The following TTC39C variants were observed in gnomAD, a reference collection of about 807,000 sequenced individuals.
The protein encoded by TTC39C is tetratricopeptide repeat domain 39C, also known as tetratricopeptide repeat protein 39C.
A neutral mutation model predicts 76.3 loss-of-function variants in TTC39C; 33 were observed. The ratio of observed to expected loss-of-function variants is 0.43; its 90% CI spans 0.33 to 0.58. TTC39C has a LOEUF of 0.58. TTC39C is among the 20% of genes least tolerant of loss of function. The pLI, the probability that TTC39C is intolerant of heterozygous loss-of-function variation, is 0.04. For missense variants in TTC39C, 595 were observed against 701.4 expected (o/e 0.85, Z 1.71); for synonymous variants, 254 against 260.6 (o/e 0.97, Z 0.24).
chr18:24,064,188 G>A lies in TTC39C; in HGVS notation c.216G>A (p.Leu72=). 2 of 1,613,164 alleles carry A rather than the reference G, an allele frequency of 1.2e-6. No homozygotes were observed. Among genetic ancestry groups the A allele is most frequent in the Non-Finnish European group, 1.7e-6 (2 of 1,179,756 alleles). The part of the protein sequence containing the change: ...MSFGASFVSF[L]NAMMTFEEEK... The stretch of plus-strand genomic sequence containing the variant: ...TTGGAGCCAGCTTTGTCAGTTTTTT[G>A]GTAAGTTGATATCTTAAGACCTATT... Residue 72 remains leucine, a splice_region_variant and synonymous_variant, in exon 2 of 14, where the codon TTG becomes TTA. Coordinates refer to ENST00000317571, the MANE Select transcript of TTC39C (RefSeq NM_001135993.2).
intron 1 of TTC39C, among the ~76,000 whole-genome samples, chr18:24,038,421 C>G (rs74405168): frequency 6.6e-6 from 1 of 152,030 alleles, no homozygotes; most frequent in Non-Finnish European, 1.5e-5. Flanking sequence ...TAGCTGGAAC[C>G]ACAGGCATGC....
chr18:24,022,376 G>A (rs1051787926), intron 1 of TTC39C, among the ~76,000 whole-genome samples: 1 of 152,080 alleles, frequency 6.6e-6, no homozygotes, highest in African/African-American at 2.4e-5. Flanking sequence ...GCTCTGTGAG[G>A]AGTGCCTTTA....
intron 10 of TTC39C, 178 bp downstream of exon 10, chr18:24,125,728 G>C: frequency 1.4e-6 from 1 of 718,862 alleles, no homozygotes; most frequent in South Asian, 1.9e-5. Context: ...TTAGGTGATG[G>C]GAGGAGGAGG....
At chr18:24,115,874 G>A (rs1035839502) in intron 7 of TTC39C, among the ~76,000 whole-genome samples, 1 of 152,206 alleles carries the variant, frequency 6.6e-6, no homozygotes, top group African/African-American at 2.4e-5. Context: ...CCACAATATA[G>A]AATGAAATGT....
intron 6 of TTC39C, among the ~76,000 whole-genome samples, chr18:24,105,765 C>T (rs371512843): frequency 6.6e-6 from 1 of 152,230 alleles, no homozygotes; most frequent in Non-Finnish European, 1.5e-5. Context: ...TCTTCGTTTC[C>T]CACGGCTGCC....
In TTC39C at chr18:24,064,326, A is replaced by T. The variant is rs191411782; in HGVS notation, c.216+138A>T. 7.3e-4 allele frequency: 647 copies of T among 885,540 alleles called. 5 individuals carry two copies. The African/African-American group carries it at 0.01, about 14-fold the overall frequency. 54.9% of individuals were successfully genotyped at this position (885,540 alleles called of 1,614,324 possible). A position where few individuals can be genotyped will look rare whatever the true frequency, so the allele number is the denominator to read the frequency against. ...TAAAACTGAAATAAAGTTTTTGCCT[A>T]TTACCCAATGCCTATGAAATAATCT... On this transcript the variant is annotated intron_variant, in intron 2 of 13. Coordinates refer to ENST00000317571, the MANE Select transcript of TTC39C (RefSeq NM_001135993.2).
Position 24,086,810 on chromosome 18 carries a change from A to G in TTC39C, c.984+3729A>G, listed in dbSNP as rs142960296. On this transcript the variant is annotated intron_variant, in intron 6 of 13. Coordinates refer to ENST00000317571, the MANE Select transcript of TTC39C (RefSeq NM_001135993.2). ...TGCTGGGGGGAATGAATGTGTGAAT[A>G]CAGTACCTAGCATGTGGCAAACGCT... is the stretch of plus-strand genomic sequence containing the variant. Among the ~76,000 whole-genome samples the G allele has an allele frequency of 2.0e-4, 31 of 152,322 alleles. 1 individual carries two copies. The East Asian group carries it at 5.0e-3, about 25-fold the overall frequency.
At chr18:24,082,199 A>T (rs1379090026) in intron 5 of TTC39C, among the ~76,000 whole-genome samples, 1 of 151,328 alleles carries the variant, frequency 6.6e-6, no homozygotes. Context: ...CTAGTTTAAC[A>T]TGGCCATTTT....
chr18:24,078,839 A>G (rs774489302), intron 4 of TTC39C, among the ~76,000 whole-genome samples: 20 of 152,188 alleles, frequency 1.3e-4, no homozygotes, highest in Non-Finnish European at 2.4e-4. Context: ...AGCCACTCTT[A>G]TCAGTCCTGG....
chr18:24,006,187 A>AT (rs2083350830), intron 1 of TTC39C, among the ~76,000 whole-genome samples: 2 of 151,786 alleles, frequency 1.3e-5, no homozygotes, highest in African/African-American at 2.4e-5. Context: ...TAATTTTTGT[A>AT]TTTTTTATAG....
chr18:24,003,523 C>T (rs895200459), intron 1 of TTC39C, among the ~76,000 whole-genome samples: 1 of 152,110 alleles, frequency 6.6e-6, no homozygotes, highest in African/African-American at 2.4e-5. Flanking sequence ...TGGTCCTTGT[C>T]GTAGGTCAAA....
At chr18:24,075,684 C>CAAAAAAAAA (rs371486318) in intron 4 of TTC39C, among the ~76,000 whole-genome samples, 1 of 64,262 alleles carries the variant, frequency 1.6e-5, no homozygotes, top group African/African-American at 4.3e-5. Context: ...GACCTTGTCT[C>CAAAAAAAAA]AAAAAAAAAA....
At chr18:24,011,230 C>A (rs2083391592), upstream of TTC39C, among the ~76,000 whole-genome samples, 1 of 152,108 alleles carries the variant, frequency 6.6e-6, no homozygotes, top group Admixed American at 6.5e-5. Context: ...TGGAGCAGAC[C>A]CTGACTGGCA....
intron 6 of TTC39C, among the ~76,000 whole-genome samples, chr18:24,097,688 C>T (rs143931053): frequency 1.7e-3 from 255 of 152,302 alleles, no homozygotes; most frequent in African/African-American, 5.9e-3. Context: ...CTTGGCCCTT[C>T]GTAAACTTAT....
At chr18:24,092,885 T>C (rs2084542702) in intron 6 of TTC39C, among the ~76,000 whole-genome samples, 2 of 152,054 alleles carry the variant, frequency 1.3e-5, no homozygotes, top group Non-Finnish European at 2.9e-5. Flanking sequence ...AGAAGTTTGA[T>C]ACAAGCCTGG....
chr18:24,058,409 T>C (rs748568300), intron 1 of TTC39C, among the ~76,000 whole-genome samples: 5 of 152,114 alleles, frequency 3.3e-5, no homozygotes, highest in Non-Finnish European at 7.4e-5. Context: ...AATCCCAGCA[T>C]TTTGGGAGGC....
At chr18:24,014,586 C>T (rs2083423438), upstream of TTC39C, 3 of 272,260 alleles carry the variant, frequency 1.1e-5, no homozygotes, top group Non-Finnish European at 2.0e-5. Flanking sequence ...CTTCGGGGCC[C>T]GCGCGAGTTG....
chr18:24,132,380 A>T, intron 13 of TTC39C, 105 bp from the exon 14 acceptor site: 1 of 833,774 alleles, frequency 1.2e-6, no homozygotes, highest in Non-Finnish European at 1.8e-6. Flanking sequence ...CTGGGAGTGT[A>T]GAGATTTTAC....
Position 24,069,258 on chromosome 18 carries a change from A to T in TTC39C, c.447A>T (p.Lys149Asn). 1 of 1,613,610 alleles carries T rather than the reference A, an allele frequency of 6.2e-7. No individual in the cohort carries two copies. The highest frequency in any genetic ancestry group is 8.5e-7 in the Non-Finnish European group (1 of 1,179,546). Residue 149 changes from lysine to asparagine, a missense_variant, in exon 4 of 14, where the codon AAA becomes AAT. Transcript: ENST00000317571. ...ACCTGGCTGTGCTTTCATTTGTAAA[A>T]CAAGAATTGTCAGGTATGCTGAAGC... ...QVYLAVLSFV[K>N]QELSAYIKGG...
Sources: gnomAD v4.1 joint callset for allele counts (sites outside exome capture counted in the v4.1 genomes callset) on GRCh38, gnomAD v4.1.1 for gene constraint, MANE v1.5 for transcripts, NCBI Gene and HGNC (gene_info 2026-07-23, HGNC 2026-07-21) for gene names.